Variants in MTUS2 observed in about 807,000 individuals in gnomAD.
The protein encoded by MTUS2 is microtubule-associated tumor suppressor candidate 2.
A neutral mutation model predicts 114.1 loss-of-function variants in MTUS2; 40 were observed. That is an observed-to-expected ratio of 0.35 (90% CI 0.27 to 0.46). The LOEUF (loss-of-function observed/expected upper bound fraction) is 0.46, where lower values mean the gene tolerates loss of function less well. MTUS2 is among the 20% of genes least tolerant of loss of function. The pLI, the probability that MTUS2 is intolerant of heterozygous loss-of-function variation, is 1.00. For synonymous variants in MTUS2, 688 were observed against 672.0 expected, an observed-to-expected ratio of 1.02 and a Z score of -0.37; for missense variants, 1,679 against 1,705.4, an observed-to-expected ratio of 0.98 and a Z score of 0.27.
At chr13:29,433,330 A>G (rs1320019741) in intron 8 of MTUS2, among the ~76,000 whole-genome samples, 1 of 152,212 alleles carries the variant, frequency 6.6e-6, no homozygotes, top group Non-Finnish European at 1.5e-5. Flanking sequence ...ACAAGTAGAC[A>G]CTGAAATGTA....
At chr13:28,924,055 A>G (rs1420259242) in intron 2 of MTUS2, among the ~76,000 whole-genome samples, 2 of 151,948 alleles carry the variant, frequency 1.3e-5, no homozygotes, top group Non-Finnish European at 2.9e-5. Flanking sequence ...GCTCATATGT[A>G]TTGTCAGTAG....
chr13:29,029,257 G>T (rs975608327), intron 3 of MTUS2, among the ~76,000 whole-genome samples: 2 of 152,200 alleles, frequency 1.3e-5, no homozygotes, highest in African/African-American at 2.4e-5. Context: ...CTTGGCAGGG[G>T]TTTGTCTTGC....
Position 29,142,829 on chromosome 13 carries a change from C to T in MTUS2, c.2644+41859C>T, listed in dbSNP as rs545386363. Among the ~76,000 whole-genome samples, 4 of 152,162 alleles carry T rather than the reference C, an allele frequency of 2.6e-5. No homozygotes were observed. In the South Asian group the frequency reaches 8.3e-4, roughly 32 times the overall value. ...TTCTTGTTTTTGAAAAAGGGTAGGG[C>T]AGTTGAGTTGTCAAACATAAGCCAA... On this transcript the variant is annotated intron_variant, in intron 5 of 15. Coordinates refer to ENST00000612955, the MANE Select transcript of MTUS2 (RefSeq NM_001033602.4).
intron 5 of MTUS2, among the ~76,000 whole-genome samples, chr13:29,131,159 A>G (rs1891746278): frequency 6.6e-6 from 1 of 152,210 alleles, no homozygotes; most frequent in Non-Finnish European, 1.5e-5. Context: ...CCTTGAACAG[A>G]GAAGCATCAT....
At chr13:29,208,443 C>T (rs1341844647) in intron 5 of MTUS2, among the ~76,000 whole-genome samples, 2 of 151,598 alleles carry the variant, frequency 1.3e-5, no homozygotes, top group Non-Finnish European at 2.9e-5. Context: ...CTGCTCTGAT[C>T]TTTGTTATTT....
intron 5 of MTUS2, among the ~76,000 whole-genome samples, chr13:29,148,941 A>G (rs1260023934): frequency 6.6e-6 from 1 of 152,122 alleles, no homozygotes; most frequent in Non-Finnish European, 1.5e-5. Flanking sequence ...ATTGATAAGC[A>G]TTTAGGTTGA....
Position 29,333,304 on chromosome 13 carries a change from TCTCCTGC to T in MTUS2, c.2905+8597_2905+8603del, listed in dbSNP as rs1283200359. Among the ~76,000 whole-genome samples, 39 of 152,146 alleles carry T rather than the reference TCTCCTGC, an allele frequency of 2.6e-4. 2 individuals are homozygous for T. Among genetic ancestry groups the T allele is most frequent in the Admixed American group, 9.8e-4 (15 of 15,276 alleles). ...CCTCCACCTCCTGGGTTCAAGTGAT[TCTCCTGC>T]CTCAGCCTCCCAAGTAGTGGGGATT... On this transcript the variant is annotated intron_variant, in intron 7 of 15. Coordinates refer to ENST00000612955, the MANE Select transcript of MTUS2 (RefSeq NM_001033602.4).
intron 1 of MTUS2, among the ~76,000 whole-genome samples, chr13:28,829,029 C>A (rs558213137): frequency 6.6e-6 from 1 of 152,214 alleles, no homozygotes; most frequent in South Asian, 2.1e-4. Flanking sequence ...AAAGTCTCTC[C>A]TGCACAATAA....
intron 9 of MTUS2, among the ~76,000 whole-genome samples, chr13:29,471,827 C>T (rs563412241): frequency 2.6e-5 from 4 of 150,978 alleles, no homozygotes; most frequent in South Asian, 2.1e-4. Context: ...AGGCTACTTA[C>T]GGGACCCCTA....
At chr13:29,031,393 C>T (rs1309110232) in intron 3 of MTUS2, among the ~76,000 whole-genome samples, 1 of 151,722 alleles carries the variant, frequency 6.6e-6, no homozygotes, top group Non-Finnish European at 1.5e-5. Flanking sequence ...AGAGAGGGTA[C>T]ATCACATAAT....
chr13:28,877,272 C>T (rs1593264505), intron 2 of MTUS2, among the ~76,000 whole-genome samples: 1 of 149,338 alleles, frequency 6.7e-6, no homozygotes, highest in Non-Finnish European at 1.5e-5. Context: ...GAGGTGAGAT[C>T]GTGCCACTGC....
chr13:29,404,905 T>C (rs924141281), intron 8 of MTUS2, among the ~76,000 whole-genome samples: 11 of 152,174 alleles, frequency 7.2e-5, no homozygotes, highest in African/African-American at 2.7e-4. Context: ...TGCCTGAAAG[T>C]CATTATCCTG....
intron 2 of MTUS2, among the ~76,000 whole-genome samples, chr13:28,905,587 C>T (rs1879947595): frequency 6.6e-6 from 1 of 151,600 alleles, no homozygotes; most frequent in Non-Finnish European, 1.5e-5. Flanking sequence ...ACCAGCCTCG[C>T]ATCCCAGGGA....
chr13:28,950,972 T>C (rs766909085), intron 2 of MTUS2, among the ~76,000 whole-genome samples: 11 of 152,206 alleles, frequency 7.2e-5, no homozygotes, highest in Non-Finnish European at 1.6e-4. Flanking sequence ...AAACAAGGTG[T>C]ACCTGTAAAA....
chr13:29,065,960 G>A (rs186755864), intron 4 of MTUS2, among the ~76,000 whole-genome samples: 3 of 150,928 alleles, frequency 2.0e-5, no homozygotes, highest in Admixed American at 6.6e-5. Context: ...GTTTCCTCCC[G>A]CTTCCTCCCT....
At chr13:29,231,511 AT>A (rs1368512110) in intron 5 of MTUS2, among the ~76,000 whole-genome samples, 1 of 152,320 alleles carries the variant, frequency 6.6e-6, no homozygotes, top group East Asian at 1.9e-4. Flanking sequence ...TTTTGCACTA[AT>A]TCTTCAATAC....
chr13:29,440,615 G>T (rs4769739), intron 9 of MTUS2, among the ~76,000 whole-genome samples: 37,472 of 152,076 alleles, frequency 0.25, 4,739 homozygotes, highest in Middle Eastern at 0.31. Context: ...GACAGGACCA[G>T]GTATTTGCCA....
intron 2 of MTUS2, among the ~76,000 whole-genome samples, chr13:28,987,620 C>T (rs182717462): frequency 1.8e-4 from 28 of 152,256 alleles, no homozygotes; most frequent in Admixed American, 1.7e-3. Flanking sequence ...GAGACACATG[C>T]CCTGCCTGGA....
chr13:29,408,679 CTT>C (rs373345219), intron 8 of MTUS2, among the ~76,000 whole-genome samples: 1 of 147,488 alleles, frequency 6.8e-6, no homozygotes, highest in African/African-American at 2.5e-5. Flanking sequence ...TAAATCATGA[CTT>C]TTTTTTTTTC....
Sources: gnomAD v4.1 joint callset for allele counts (sites outside exome capture counted in the v4.1 genomes callset) on GRCh38, gnomAD v4.1.1 for gene constraint, MANE v1.5 for transcripts, NCBI Gene and HGNC (gene_info 2026-07-23, HGNC 2026-07-21) for gene names.